Variants in IL1RAPL1 observed in about 807,000 individuals in gnomAD.
IL1RAPL1 encodes interleukin-1 receptor accessory protein-like 1.
A neutral mutation model predicts 48.4 loss-of-function variants in IL1RAPL1; 3 were observed. The ratio of observed to expected loss-of-function variants is 0.06; its 90% CI spans 0.03 to 0.16. The LOEUF is 0.16. Ranked by LOEUF, IL1RAPL1 falls within the 10% of genes least tolerant of loss-of-function variation. The pLI is 1.00. For missense variants in IL1RAPL1, 349 were observed against 530.6 expected (o/e 0.66, Z 3.36); for synonymous variants, 185 against 187.7 (o/e 0.99, Z 0.12).
intron 2 of IL1RAPL1, among the ~76,000 whole-genome samples, chrX:29,108,330 A>G (rs762765708): frequency 6.3e-5 from 7 of 111,163 alleles, no homozygotes; most frequent in African/African-American, 1.3e-4. Context: ...TTATATGTCT[A>G]TTCTACTGCT....
At chrX:29,864,957 CATA>C (rs1931661227) in intron 6 of IL1RAPL1, among the ~76,000 whole-genome samples, 1 of 111,871 alleles carries the variant, frequency 8.9e-6, no homozygotes, top group African/African-American at 3.2e-5. Flanking sequence ...CAGAAAAGAG[CATA>C]ATAAGTTGTG....
chrX:29,415,839 C>T (rs1406936962), intron 5 of IL1RAPL1, among the ~76,000 whole-genome samples: 1 of 111,804 alleles, frequency 8.9e-6, no homozygotes, highest in Admixed American at 9.5e-5. Flanking sequence ...CAGTAGGTTC[C>T]CATTAGACTT....
At chrX:29,551,018 A>G (rs1424293403) in intron 5 of IL1RAPL1, among the ~76,000 whole-genome samples, 1 of 111,915 alleles carries the variant, frequency 8.9e-6, no homozygotes, top group Non-Finnish European at 1.9e-5. Flanking sequence ...TTCTGTCTCT[A>G]TGAATTTGAT....
At chrX:29,915,131 T>G (rs1932787787) in intron 6 of IL1RAPL1, among the ~76,000 whole-genome samples, 1 of 111,832 alleles carries the variant, frequency 8.9e-6, no homozygotes, top group Non-Finnish European at 1.9e-5. Flanking sequence ...CCGTCTCTAC[T>G]AAAAACACAA....
chrX:29,673,423 C>T (rs1014970695), intron 6 of IL1RAPL1, among the ~76,000 whole-genome samples: 1 of 111,368 alleles, frequency 9.0e-6, no homozygotes, highest in African/African-American at 3.3e-5. Flanking sequence ...CATCTACATT[C>T]ACGCTACTGG....
In IL1RAPL1 at chrX:29,822,603, G is replaced by C. The variant is rs113937132; in HGVS notation, c.779-94861G>C. ...TAAATAAGAATGTATGTTTTTGTAA[G>C]TGAGATGGGCCACTCACTCATGGAA... On this transcript the variant is annotated intron_variant, in intron 6 of 10. Transcript: ENST00000378993. 9.3e-3 allele frequency among the ~76,000 whole-genome samples: 1,024 copies of C among 110,517 alleles called. 14 individuals are homozygous for C. The highest frequency in any genetic ancestry group is 0.032 in the African/African-American group (963 of 30,426).
chrX:29,774,108 C>T (rs1312957424), intron 6 of IL1RAPL1, among the ~76,000 whole-genome samples: 3 of 110,821 alleles, frequency 2.7e-5, no homozygotes, highest in Non-Finnish European at 5.7e-5. Flanking sequence ...TCCTGCTCTT[C>T]CTCCTACTTC....
intron 2 of IL1RAPL1, among the ~76,000 whole-genome samples, chrX:29,180,943 C>T (rs779586086): frequency 1.8e-5 from 2 of 111,525 alleles, no homozygotes; most frequent in African/African-American, 6.5e-5. Flanking sequence ...AACAAAGAAA[C>T]GGAGGGGTGG....
At chrX:29,709,833 A>G (rs746608119) in intron 6 of IL1RAPL1, among the ~76,000 whole-genome samples, 1 of 111,742 alleles carries the variant, frequency 8.9e-6, no homozygotes, top group Non-Finnish European at 1.9e-5. Context: ...TGTATTCTTC[A>G]ATTTCTTTCA....
At chrX:29,759,247 G>A (rs1244511314) in intron 6 of IL1RAPL1, among the ~76,000 whole-genome samples, 2 of 112,009 alleles carry the variant, frequency 1.8e-5, no homozygotes, top group African/African-American at 6.5e-5. Flanking sequence ...TTGTTGTAAG[G>A]TCTTTTAAGC....
intron 1 of IL1RAPL1, among the ~76,000 whole-genome samples, chrX:28,763,724 T>C (rs936979868): frequency 9.0e-6 from 1 of 111,152 alleles, no homozygotes; most frequent in African/African-American, 3.3e-5. Flanking sequence ...GGCCTGCTTC[T>C]TGTAGAGTGA....
chrX:28,798,582 C>T (rs1936640285), intron 2 of IL1RAPL1, among the ~76,000 whole-genome samples: 1 of 111,975 alleles, frequency 8.9e-6, no homozygotes, highest in Admixed American at 9.5e-5. Flanking sequence ...TAGTCATATG[C>T]TTCAGGGATG....
At chrX:28,833,167 A>G (rs1005045695) in intron 2 of IL1RAPL1, among the ~76,000 whole-genome samples, 2 of 111,480 alleles carry the variant, frequency 1.8e-5, no homozygotes, top group Non-Finnish European at 3.8e-5. Context: ...AAAACCATAC[A>G]GCTGCATAGT....
At chrX:28,724,272 G>T (rs1018343068) in intron 1 of IL1RAPL1, among the ~76,000 whole-genome samples, 7 of 111,385 alleles carry the variant, frequency 6.3e-5, no homozygotes, top group Non-Finnish European at 1.9e-5. Flanking sequence ...ATGAATCTGG[G>T]TGCTCCTGTA....
At position 29,599,132 on chromosome X, in the gene IL1RAPL1, A is replaced by T. The variant is rs543187670; in HGVS notation, c.704-69298A>T. On this transcript the variant is annotated intron_variant, in intron 5 of 10. Transcript: ENST00000378993. The stretch of plus-strand genomic sequence containing the variant: ...TCATTGTGTTATTGTTATATCGGTC[A>T]TGTGAGATTTCTGTTTTGGTGTATT... 8.9e-5 allele frequency among the ~76,000 whole-genome samples: 10 copies of T among 111,849 alleles called. No individual in the cohort carries two copies. The South Asian group carries it at 2.6e-3, about 29-fold the overall frequency.
At chrX:29,482,660 T>C (rs1267673365) in intron 5 of IL1RAPL1, among the ~76,000 whole-genome samples, 1 of 112,345 alleles carries the variant, frequency 8.9e-6, no homozygotes, top group African/African-American at 3.2e-5. Context: ...ATTTTGTGGA[T>C]AAAGCATAGT....
intron 2 of IL1RAPL1, among the ~76,000 whole-genome samples, chrX:29,150,180 T>C (rs1346070959): frequency 8.9e-6 from 1 of 112,146 alleles, no homozygotes; most frequent in East Asian, 2.8e-4. Flanking sequence ...TATGCCAGGC[T>C]TCGTGCAAGG....
At chrX:28,765,896 CT>C (rs768911512) in intron 1 of IL1RAPL1, among the ~76,000 whole-genome samples, 12 of 111,485 alleles carry the variant, frequency 1.1e-4, no homozygotes, top group Non-Finnish European at 2.1e-4. Context: ...CATGAAGAAT[CT>C]TTAAATTTGT....
intron 2 of IL1RAPL1, among the ~76,000 whole-genome samples, chrX:29,080,250 A>G (rs1024088290): frequency 9.1e-6 from 1 of 109,740 alleles, no homozygotes; most frequent in African/African-American, 3.3e-5. Flanking sequence ...GTGGTGGTGC[A>G]TGCCTGTGAT....
Sources: gnomAD v4.1 joint callset for allele counts (sites outside exome capture counted in the v4.1 genomes callset) on GRCh38, gnomAD v4.1.1 for gene constraint, MANE v1.5 for transcripts, NCBI Gene and HGNC (gene_info 2026-07-23, HGNC 2026-07-21) for gene names.